Variants in RPH3AL observed in about 807,000 individuals in gnomAD.
RPH3AL encodes the protein rab effector Noc2.
In RPH3AL, 38 loss-of-function variants were observed where a neutral mutation model predicts 43.1. That is an observed-to-expected ratio of 0.88 (90% CI 0.68 to 1.15). The LOEUF (loss-of-function observed/expected upper bound fraction) is 1.15, where lower values mean the gene tolerates loss of function less well. Among genes scored for constraint, RPH3AL ranks in the 50% most tolerant of loss-of-function variants. The pLI, the probability that RPH3AL is intolerant of heterozygous loss-of-function variation, is 0.00. For synonymous variants in RPH3AL, 189 were observed against 176.3 expected, an observed-to-expected ratio of 1.07 and a Z score of -0.57; for missense variants, 462 against 423.2, an observed-to-expected ratio of 1.09 and a Z score of -0.81.
intron 5 of RPH3AL, among the ~76,000 whole-genome samples, chr17:302,736 G>A (rs893422128): frequency 1.3e-5 from 2 of 152,202 alleles, no homozygotes; most frequent in Non-Finnish European, 2.9e-5. Context: ...AAAAAGCCCC[G>A]AATACAACAC....
chr17:219,718 T>C lies in RPH3AL; in HGVS notation c.632A>G (p.Asp211Gly). The C allele has an allele frequency of 6.2e-7, 1 of 1,613,486 alleles. No individual in the cohort carries two copies. Among genetic ancestry groups the C allele is most frequent in the Non-Finnish European group, 8.5e-7 (1 of 1,179,720 alleles). ...ARGRVVSSDS[D>G]SDSDLSSSSL... ...GGAGGAGCTAAGATCCGAGTCACTG[T>C]CACTGTCACTGGAAACCACTGGAAG... is the stretch of plus-strand genomic sequence containing the variant. The change falls in exon 8 of 10, where the codon GAC becomes GGC. Residue 211 changes from aspartate (D) to glycine (G), a missense_variant. By Grantham distance (94) the Asp-to-Gly change is moderately conservative. Transcript: ENST00000331302.
chr17:348,066 G>C (rs1335089837), intron 1 of RPH3AL, among the ~76,000 whole-genome samples: 3 of 147,146 alleles, frequency 2.0e-5, no homozygotes, highest in Non-Finnish European at 4.5e-5. Context: ...CCTGCCTATG[G>C]GGCAACCCTT....
intron 5 of RPH3AL, among the ~76,000 whole-genome samples, chr17:298,669 C>A (rs1160408685): frequency 6.6e-6 from 1 of 150,940 alleles, no homozygotes; most frequent in Non-Finnish European, 1.5e-5. Flanking sequence ...CAGGCCACTG[C>A]GCTCCAGCCT....
chr17:338,140 G>C (rs1197888414), intron 1 of RPH3AL, among the ~76,000 whole-genome samples: 2 of 152,180 alleles, frequency 1.3e-5, no homozygotes, highest in African/African-American at 4.8e-5. Context: ...GCTGTATCAA[G>C]GCAGTCACAG....
intron 2 of RPH3AL, 76 bp from the exon 3 acceptor site, chr17:327,655 C>G: frequency 1.2e-6 from 1 of 848,604 alleles, no homozygotes. Flanking sequence ...TCTCTGTGCC[C>G]TCAGGCCCCT....
Position 247,249 on chromosome 17 carries a change from G to A in RPH3AL, c.475C>T (p.Leu159Phe), listed in dbSNP as rs753899151. The change falls in exon 7 of 10, where the codon CTC (leucine) becomes TTC (phenylalanine). Residue 159 changes from leucine to phenylalanine, a missense_variant. Transcript: ENST00000331302. The stretch of plus-strand genomic sequence containing the variant: ...TTCAGGGGCAAGATATACTTGGGGA[G>A]CCCTTTGTAGAACCAGGCCCCCGAC... ...KRSGAWFYKG[L>F]PKYILPLKTP... 3 of 1,605,290 alleles carry A rather than the reference G, an allele frequency of 1.9e-6. No individual in the cohort carries two copies. The highest frequency in any genetic ancestry group is 2.6e-6 in the Non-Finnish European group (3 of 1,174,796).
intron 3 of RPH3AL, 52 bp from the exon 4 acceptor site, chr17:321,467 G>C (rs755642597): frequency 6.6e-7 from 1 of 1,504,324 alleles, no homozygotes; most frequent in South Asian, 1.3e-5. Context: ...TGCAAACTCC[G>C]GCAGCCCCTA....
intron 5 of RPH3AL, among the ~76,000 whole-genome samples, chr17:291,074 T>A (rs1026301471): frequency 4.6e-5 from 7 of 152,238 alleles, no homozygotes; most frequent in African/African-American, 1.7e-4. Flanking sequence ...AAACGTACGC[T>A]GTGCTGTGGA....
intron 5 of RPH3AL, among the ~76,000 whole-genome samples, chr17:297,462 C>T (rs749455798): frequency 1.8e-4 from 27 of 152,258 alleles, no homozygotes; most frequent in Middle Eastern, 3.4e-3. Context: ...GTCCTGGGAC[C>T]GAGCCCTCGT....
intron 6 of RPH3AL, among the ~76,000 whole-genome samples, chr17:278,157 G>A (rs1173296838): frequency 6.6e-6 from 1 of 152,004 alleles, no homozygotes; most frequent in Non-Finnish European, 1.5e-5. Flanking sequence ...TGAATCATGG[G>A]GGCGGTTCCC....
At chr17:252,671 G>A (rs978138333) in intron 6 of RPH3AL, among the ~76,000 whole-genome samples, 1 of 152,110 alleles carries the variant, frequency 6.6e-6, no homozygotes, top group Non-Finnish European at 1.5e-5. Context: ...CCATCACCCC[G>A]CACCCACCCC....
intron 6 of RPH3AL, among the ~76,000 whole-genome samples, chr17:251,840 G>A (rs996959751): frequency 1.1e-4 from 17 of 152,348 alleles, no homozygotes; most frequent in South Asian, 2.1e-4. Context: ...GTCCTCCACC[G>A]TGGGCTGGGC....
At chr17:236,711 C>A (rs11651800) in intron 7 of RPH3AL, among the ~76,000 whole-genome samples, 6,767 of 152,358 alleles carry the variant, frequency 0.044, 205 homozygotes, top group South Asian at 0.075. Flanking sequence ...GAGAACCTTC[C>A]TCAGTGGTCT....
chr17:307,221 G>A (rs1466994714), intron 5 of RPH3AL, among the ~76,000 whole-genome samples: 1 of 62,794 alleles, frequency 1.6e-5, no homozygotes, highest in African/African-American at 5.1e-5. Flanking sequence ...TCCATCCCAC[G>A]GCAGGTCCAT....
At chr17:272,950 CAA>C (rs1567604219) in intron 6 of RPH3AL, among the ~76,000 whole-genome samples, 6,681 of 49,392 alleles carry the variant, frequency 0.14, 498 homozygotes, top group East Asian at 0.33. Context: ...GAGACCCCAG[CAA>C]GGGCTACGTC....
intron 1 of RPH3AL, among the ~76,000 whole-genome samples, chr17:336,854 G>A (rs905617452): frequency 6.6e-6 from 1 of 152,122 alleles, no homozygotes; most frequent in Non-Finnish European, 1.5e-5. Flanking sequence ...CACCTGGAAC[G>A]CCTTTGGTTC....
intron 1 of RPH3AL, among the ~76,000 whole-genome samples, chr17:344,348 C>T (rs1380440966): frequency 1.6e-5 from 2 of 128,454 alleles, no homozygotes; most frequent in South Asian, 2.7e-4. Flanking sequence ...ATCATTATTA[C>T]CATCATCATC....
At chr17:270,410 G>A (rs958575152) in intron 6 of RPH3AL, among the ~76,000 whole-genome samples, 6 of 152,222 alleles carry the variant, frequency 3.9e-5, no homozygotes, top group African/African-American at 9.6e-5. Flanking sequence ...TCCCACCAGC[G>A]GCTGGGCTGG....
chr17:281,668 G>A (rs761208323), intron 6 of RPH3AL, 100 bp downstream of exon 6: 3 of 248,686 alleles, frequency 1.2e-5, no homozygotes, highest in Non-Finnish European at 1.6e-5. Flanking sequence ...TATCCAGCCC[G>A]CCCAGCCCTC....
Sources: allele counts gnomAD v4.1 joint callset (sites outside exome capture counted in the v4.1 genomes callset), GRCh38; gene constraint gnomAD v4.1.1; transcripts MANE v1.5; gene names NCBI Gene and HGNC (gene_info 2026-07-23, HGNC 2026-07-21).